Variants in CFAP36 observed in about 807,000 individuals in gnomAD.
CFAP36 encodes the protein cilia- and flagella-associated protein 36.
CFAP36 carries 37 observed loss-of-function variants against 50.5 expected under a neutral mutation model. The ratio of observed to expected loss-of-function variants is 0.73; its 90% CI spans 0.56 to 0.96. CFAP36 has a LOEUF of 0.96. CFAP36 is among the 50% of genes least tolerant of loss of function. The pLI, the probability that CFAP36 is intolerant of heterozygous loss-of-function variation, is 0.00. For synonymous variants in CFAP36, 138 were observed against 128.2 expected (o/e 1.08, Z -0.52); for missense variants, 407 against 396.2 (o/e 1.03, Z -0.23).
At position 55,543,890 on chromosome 2, in the gene CFAP36, A is replaced by G. The variant is rs200486714; in HGVS notation, c.641-48A>G. 1,597 of 1,540,212 alleles carry G rather than the reference A, an allele frequency of 1.0e-3. 6 individuals carry two copies. The highest frequency in any genetic ancestry group is 1.1e-3 in the Non-Finnish European group (1,184 of 1,123,446). On this transcript the variant is annotated intron_variant, in intron 7 of 9. Transcript: ENST00000349456. Reference sequence around the variant, plus strand: ...CGGTAAACCTAGCCTAACACTTAAAATATTTCTCATAATATTCTAATTGCT... The same window carrying G: ...CGGTAAACCTAGCCTAACACTTAAAGTATTTCTCATAATATTCTAATTGCT...
chr2:55,525,893 C>CCAATTGTAAATTGATATTTTTGT (rs1684196477), intron 3 of CFAP36, among the ~76,000 whole-genome samples: 2 of 152,194 alleles, frequency 1.3e-5, no homozygotes, highest in African/African-American at 4.8e-5. Flanking sequence ...TCCCAAAGTG[C>CCAATTGTAAATTGATATTTTTGT]TGGGATTACA....
chr2:55,533,778 C>G, intron 4 of CFAP36, 95 bp from the exon 5 acceptor site: 2 of 560,712 alleles, frequency 3.6e-6, no homozygotes, highest in Non-Finnish European at 6.3e-6. Context: ...AGTGATAGAT[C>G]TGAAGGTAAC....
At chr2:55,539,833 ATTG>A (rs1345988996) in intron 7 of CFAP36, among the ~76,000 whole-genome samples, 2 of 152,066 alleles carry the variant, frequency 1.3e-5, no homozygotes, top group Non-Finnish European at 2.9e-5. Context: ...GTGGTATCTC[ATTG>A]TTGTTTTATT....
intron 2 of CFAP36, among the ~76,000 whole-genome samples, chr2:55,522,997 A>T (rs1459975246): frequency 6.6e-6 from 1 of 151,762 alleles, no homozygotes; most frequent in Non-Finnish European, 1.5e-5. Flanking sequence ...TGGGAGGCTG[A>T]AGTGGGAGGA....
chr2:55,535,690 A>G (rs768553017), intron 5 of CFAP36, 22 bp from the exon 6 acceptor site: 20 of 1,499,262 alleles, frequency 1.3e-5, no homozygotes, highest in Non-Finnish European at 1.7e-5. Context: ...TTATCTTTTT[A>G]TCTTATTTTT....
intron 7 of CFAP36, chr2:55,538,911 A>G (rs1684563327): frequency 1.4e-6 from 2 of 1,449,562 alleles, no homozygotes; most frequent in South Asian, 2.9e-5. Flanking sequence ...TGTGATGTTT[A>G]CCCATTAATT....
intron 7 of CFAP36, among the ~76,000 whole-genome samples, chr2:55,537,954 A>T (rs1474384088): frequency 6.6e-6 from 1 of 152,242 alleles, no homozygotes; most frequent in Admixed American, 6.5e-5. Context: ...GAACTTGGAA[A>T]GATAATATTA....
intron 4 of CFAP36, among the ~76,000 whole-genome samples, chr2:55,529,831 A>G (rs190793279): frequency 1.3e-5 from 2 of 151,976 alleles, no homozygotes; most frequent in Admixed American, 6.5e-5. Context: ...TATTTTTAGT[A>G]GAGATGGGGT....
chr2:55,544,801 C>G (rs990204412), intron 9 of CFAP36, 106 bp from the exon 10 acceptor site: 1 of 672,972 alleles, frequency 1.5e-6, no homozygotes, highest in Admixed American at 3.0e-5. Context: ...TCCCTCCGTC[C>G]CACAAGAAGG....
Position 55,523,816 on chromosome 2 carries a change from A to C in CFAP36, c.276A>C (p.Thr92=). 6.3e-7 allele frequency: 1 copy of C among 1,596,656 alleles called. No homozygotes were observed. The highest frequency in any genetic ancestry group is 8.6e-7 in the Non-Finnish European group (1 of 1,169,466). ...ACTSPLAKTH[T]SQAILQPVLA... is the part of the protein sequence containing the mutation. ...CTTCTCCTCTTGCAAAGACCCATAC[A>C]TCACAGGTTTTTGCTTTGTGTTATT... The change falls in exon 3 of 10, where the codon ACA becomes ACC. Residue 92 remains threonine (T), a synonymous_variant. Transcript: ENST00000349456.
intron 1 of CFAP36, among the ~76,000 whole-genome samples, chr2:55,520,183 G>A (rs143660724): frequency 2.0e-5 from 3 of 152,258 alleles, no homozygotes; most frequent in African/African-American, 7.2e-5. Flanking sequence ...GGGCCGAAGC[G>A]CACGTCCGAA....
intron 4 of CFAP36, among the ~76,000 whole-genome samples, chr2:55,533,103 G>C (rs1033070905): frequency 1.3e-5 from 2 of 152,138 alleles, no homozygotes; most frequent in Non-Finnish European, 2.9e-5. Flanking sequence ...AATAACATCT[G>C]TTATAATATA....
chr2:55,535,984 A>T, intron 6 of CFAP36: 1 of 865,382 alleles, frequency 1.2e-6, no homozygotes. Context: ...AACTGTATAT[A>T]GTACAAACAC....
chr2:55,523,301 G>C (rs13426816), intron 2 of CFAP36, among the ~76,000 whole-genome samples: 2 of 151,514 alleles, frequency 1.3e-5, no homozygotes, highest in African/African-American at 2.4e-5. Context: ...TCTAGTCCCA[G>C]CTACTCAGGA....
At position 55,520,435 on chromosome 2, in the gene CFAP36, C is replaced by T. The variant is rs1224528068; in HGVS notation, c.115+519C>T. Reference sequence around the variant, plus strand: ...TGCAAAGGAGGGCATGTGATAACTCCAGGAAGCCCAGAGCCGGTGATTTTG... The same window carrying T: ...TGCAAAGGAGGGCATGTGATAACTCTAGGAAGCCCAGAGCCGGTGATTTTG... On this transcript the variant is annotated intron_variant, in intron 1 of 9. Coordinates refer to ENST00000349456, the MANE Select transcript of CFAP36 (RefSeq NM_080667.7). 12 of 1,548,560 alleles carry T rather than the reference C, an allele frequency of 7.7e-6. No homozygotes were observed. The East Asian group carries it at 2.9e-4, about 38-fold the overall frequency.
chr2:55,537,436 A>ATCTAAATTGTG (rs1376692625), intron 6 of CFAP36, 47 bp from the exon 7 acceptor site: 1 of 1,278,788 alleles, frequency 7.8e-7, no homozygotes, highest in Admixed American at 2.0e-5. Flanking sequence ...GTTAAAATGA[A>ATCTAAATTGTG]TCTAAATTGT....
intron 7 of CFAP36, among the ~76,000 whole-genome samples, chr2:55,540,650 T>C (rs1215702189): frequency 2.6e-5 from 4 of 152,208 alleles, no homozygotes; most frequent in South Asian, 4.1e-4. Flanking sequence ...TTTTGATTGA[T>C]ATTGTATTGA....
rs951506734 is a variant in CFAP36, at chr2:55,526,371, G to T, written c.283-2507G>T. Among the ~76,000 whole-genome samples the T allele has an allele frequency of 2.6e-5, 4 of 152,252 alleles. No individual in the cohort carries two copies. In the South Asian group the frequency reaches 6.2e-4, roughly 24 times the overall value. On this transcript the variant is annotated intron_variant, in intron 3 of 9. Transcript: ENST00000349456. Reference sequence around the variant, plus strand: ...GTTGCCTTGACTACTTTTTAATCCAGCACTTCCTCTTTTGCACAACTTTTC... The same window carrying T: ...GTTGCCTTGACTACTTTTTAATCCATCACTTCCTCTTTTGCACAACTTTTC...
At position 55,519,811 on chromosome 2, in the gene CFAP36, G is replaced by A. The variant is rs1684005834; in HGVS notation, c.10G>A (p.Glu4Lys). The A allele has an allele frequency of 6.2e-7, 1 of 1,614,056 alleles. No individual in the cohort carries two copies. Among genetic ancestry groups the A allele is most frequent in the African/African-American group, 1.3e-5 (1 of 74,938 alleles). Residue 4 changes from glutamate to lysine, a missense_variant, in exon 1 of 10, where the codon GAA (glutamate) becomes AAA (lysine). Physicochemically the swap from Glu to Lys is moderately conservative, Grantham distance 56. Transcript: ENST00000349456. MAAEEEDEVEWVVE... is the reference protein window; with the variant it reads MAAKEEDEVEWVVE... ...GCCCCTTTGGGGCGGGATGGCTGCG[G>A]AAGAAGAAGACGAGGTGGAGTGGGT...
Sources: allele counts gnomAD v4.1 joint callset (sites outside exome capture counted in the v4.1 genomes callset), GRCh38; gene constraint gnomAD v4.1.1; transcripts MANE v1.5; gene names NCBI Gene and HGNC (gene_info 2026-07-23, HGNC 2026-07-21).